The following PRKCZ variants were observed in gnomAD, a reference collection of about 807,000 sequenced individuals.
The protein encoded by PRKCZ is protein kinase C zeta.
A neutral mutation model predicts 79.5 loss-of-function variants in PRKCZ; 33 were observed. That is an observed-to-expected ratio of 0.41 (90% CI 0.31 to 0.55). The LOEUF (loss-of-function observed/expected upper bound fraction) is 0.55, where lower values mean the gene tolerates loss of function less well. Ranked by LOEUF, PRKCZ falls within the 20% of genes least tolerant of loss-of-function variation. The pLI is 0.19. For missense variants in PRKCZ, 578 were observed against 813.5 expected (o/e 0.71, Z 3.52); for synonymous variants, 342 against 320.9 (o/e 1.07, Z -0.70).
rs78645774 is a variant in PRKCZ, at chr1:2,077,855, T to C, written c.334+18264T>C. On this transcript the variant is annotated intron_variant, in intron 4 of 17. Transcript: ENST00000378567. ...CTCTTCCTTCCTTGTTCCATCCTCC[T>C]GATGGAGTTATGTCACTGTTTATTG... 9.6e-3 allele frequency among the ~76,000 whole-genome samples: 1,464 copies of C among 152,372 alleles called. 12 individuals are homozygous for C. The highest frequency in any genetic ancestry group is 0.024 in the Middle Eastern group (7 of 294).
intron 4 of PRKCZ, 58 bp from the exon 5 acceptor site, chr1:2,135,204 C>T: frequency 6.8e-7 from 1 of 1,479,924 alleles, no homozygotes. Context: ...CAGCTGCACC[C>T]TGCGTGGGCT....
rs1348480994 is a variant in PRKCZ, at chr1:2,173,415, G to C, written c.1286-482G>C. Among the ~76,000 whole-genome samples, 3 of 152,202 alleles carry C rather than the reference G, an allele frequency of 2.0e-5. No individual in the cohort carries two copies. The highest frequency in any genetic ancestry group is 4.4e-5 in the Non-Finnish European group (3 of 68,038). On this transcript the variant is annotated intron_variant, in intron 13 of 17. Transcript: ENST00000378567. The surrounding 1 kb of genome is among the most constrained non-coding windows in gnomAD (Gnocchi z 5.7). ...ACGCAGAGACAGCTGCTGTCCTTGG[G>C]CAAAACGGGTCAGGGTCTCCCACCC...
chr1:2,082,998 G>A lies in PRKCZ; in HGVS notation c.334+23407G>A, dbSNP rs1186399359. On this transcript the variant is annotated intron_variant, in intron 4 of 17. Coordinates refer to ENST00000378567, the MANE Select transcript of PRKCZ (RefSeq NM_002744.6). This position sits in a 1 kb window ranked among gnomAD's most constrained non-coding sequence, Gnocchi z 4.4. ...AGGTGTCCACACCTTGGGTGCCCCCGTCCTCCCTCTCCTCATGTCCTAATA... is the reference window on the plus strand; with the variant it reads ...AGGTGTCCACACCTTGGGTGCCCCCATCCTCCCTCTCCTCATGTCCTAATA... Among the ~76,000 whole-genome samples the A allele has an allele frequency of 3.3e-5, 5 of 152,122 alleles. No individual in the cohort carries two copies. The highest frequency in any genetic ancestry group is 7.2e-5 in the African/African-American group (3 of 41,404).
intron 4 of PRKCZ, among the ~76,000 whole-genome samples, chr1:2,077,178 C>T (rs901122211): frequency 1.3e-5 from 2 of 152,218 alleles, no homozygotes; most frequent in Non-Finnish European, 2.9e-5. Flanking sequence ...CGTCCACGCT[C>T]ACGTATCGGG....
Position 2,139,768 on chromosome 1 carries a change from C to T in PRKCZ, c.420+4421C>T, listed in dbSNP as rs370203448. On this transcript the variant is annotated intron_variant, in intron 5 of 17. Coordinates refer to ENST00000378567, the MANE Select transcript of PRKCZ (RefSeq NM_002744.6). ...TCTTCAAAAGAAATCACCCGTCATT[C>T]GGAGGTTTGTGTATGGGGAAGATCA... Among the ~76,000 whole-genome samples, 49 of 152,268 alleles carry T rather than the reference C, an allele frequency of 3.2e-4. 1 individual carries two copies. In the East Asian group the frequency reaches 9.1e-3, roughly 28 times the overall value.
intron 4 of PRKCZ, among the ~76,000 whole-genome samples, chr1:2,065,577 G>A (rs1365123995): frequency 1.3e-5 from 2 of 151,818 alleles, no homozygotes; most frequent in Non-Finnish European, 2.9e-5. Context: ...TACTCGGGAG[G>A]CTGAGCCAGG....
chr1:2,180,365 C>T (rs966942823), intron 16 of PRKCZ, among the ~76,000 whole-genome samples: 3 of 151,952 alleles, frequency 2.0e-5, no homozygotes, highest in Admixed American at 6.6e-5. Context: ...GACACCCAGA[C>T]GATGTGGACG....
rs1163743074 is a variant in PRKCZ at position 2,125,050 on chromosome 1, C to G, written c.335-10212C>G. On this transcript the variant is annotated intron_variant, in intron 4 of 17. Coordinates refer to ENST00000378567, the MANE Select transcript of PRKCZ (RefSeq NM_002744.6). This position sits in a 1 kb window ranked among gnomAD's most constrained non-coding sequence, Gnocchi z 4.2. Reference sequence around the variant, plus strand: ...GGGGCCTTGCCAGCCTGGCTCTGTGCCGGGCGCTGGGCAATCTCTGCCTCC... The same window carrying G: ...GGGGCCTTGCCAGCCTGGCTCTGTGGCGGGCGCTGGGCAATCTCTGCCTCC... Among the ~76,000 whole-genome samples the G allele has an allele frequency of 6.6e-6, 1 of 152,198 alleles. No homozygotes were observed. The highest frequency in any genetic ancestry group is 1.5e-5 in the Non-Finnish European group (1 of 68,042).
rs1685052208 is a variant in PRKCZ, at chr1:2,174,413, C to T, written c.1406-341C>T. On this transcript the variant is annotated intron_variant, in intron 14 of 17. Coordinates refer to ENST00000378567, the MANE Select transcript of PRKCZ (RefSeq NM_002744.6). This position sits in a 1 kb window ranked among gnomAD's most constrained non-coding sequence, Gnocchi z 6.2. ...CGGGACCTGCTCCTGGTCTGGAATT[C>T]AGTGCTGTGGGGATGTGGGATCTGG... Among the ~76,000 whole-genome samples, 1 of 152,236 alleles carries T rather than the reference C, an allele frequency of 6.6e-6. No homozygotes were observed. The highest frequency in any genetic ancestry group is 1.5e-5 in the Non-Finnish European group (1 of 68,040).
At position 2,110,910 on chromosome 1, in the gene PRKCZ, C is replaced by T. The variant is rs560099766; in HGVS notation, c.335-24352C>T. ...GTGGACGGTGTAGTTCCTGAGAGAC[C>T]GAGCCGGAAGGTGAGGGACTGGAAG... On this transcript the variant is annotated intron_variant, in intron 4 of 17. Transcript: ENST00000378567. Among the ~76,000 whole-genome samples the T allele has an allele frequency of 1.4e-4, 22 of 152,016 alleles. 1 individual carries two copies. The East Asian group carries it at 4.1e-3, about 28-fold the overall frequency.
At chr1:2,066,149 A>G (rs921699561) in intron 4 of PRKCZ, among the ~76,000 whole-genome samples, 3 of 152,188 alleles carry the variant, frequency 2.0e-5, no homozygotes, top group Admixed American at 6.5e-5. Flanking sequence ...TTAAGACTCA[A>G]TGGTCAGAGG....
Position 2,093,585 on chromosome 1 carries a change from C to T in PRKCZ, c.334+33994C>T, listed in dbSNP as rs573370022. 8.3e-4 allele frequency among the ~76,000 whole-genome samples: 126 copies of T among 152,238 alleles called. No homozygotes were observed. In the South Asian group the frequency reaches 0.021, roughly 25 times the overall value. On this transcript the variant is annotated intron_variant, in intron 4 of 17. Transcript: ENST00000378567. Reference sequence around the variant, plus strand: ...AAAGGTCCTGGTGACAGTCACTGCTCGCTGCAGTGGCTGGTGCCCTCCTCA... The same window carrying T: ...AAAGGTCCTGGTGACAGTCACTGCTTGCTGCAGTGGCTGGTGCCCTCCTCA...
chr1:2,117,998 C>CCTTTTTTTTTTTTTTTTT lies in PRKCZ; in HGVS notation c.335-17264_335-17263insCTTTTTTTTTTTTTTTTT, dbSNP rs58233626. On this transcript the variant is annotated intron_variant, in intron 4 of 17. Transcript: ENST00000378567. Reference sequence around the variant, plus strand: ...TATGAGAGAGATTAGCCTATTATTTCTTTTTTTTTTTTTTTTGGAGTCTCA... The same window carrying CCTTTTTTTTTTTTTTTTT: ...TATGAGAGAGATTAGCCTATTATTTCCTTTTTTTTTTTTTTTTTTTTTTTTTTTTTTTTTGGAGTCTCA... Among the ~76,000 whole-genome samples, 24 of 65,048 alleles carry CCTTTTTTTTTTTTTTTTT rather than the reference C, an allele frequency of 3.7e-4. 7 individuals carry two copies. The highest frequency in any genetic ancestry group is 7.1e-4 in the Admixed American group (3 of 4,218). 42.7% of individuals were successfully genotyped at this position (65,048 alleles called of 152,430 possible). A position where few individuals can be genotyped will look rare whatever the true frequency, so the allele number is the denominator to read the frequency against.
rs531500733 is a variant in PRKCZ at position 2,097,573 on chromosome 1, C to T, written c.335-37689C>T. Among the ~76,000 whole-genome samples, 263 of 152,152 alleles carry T rather than the reference C, an allele frequency of 1.7e-3. 1 individual carries two copies. The highest frequency in any genetic ancestry group is 3.4e-3 in the Middle Eastern group (1 of 294). On this transcript the variant is annotated intron_variant, in intron 4 of 17. Transcript: ENST00000378567. ...TTCTCCTGGAGCCCCGTGTTGTGTGCGTCCCTCAGCCCATGCACCCCGGAA... is the reference window on the plus strand; with the variant it reads ...TTCTCCTGGAGCCCCGTGTTGTGTGTGTCCCTCAGCCCATGCACCCCGGAA...
In PRKCZ at chr1:2,177,393, A is replaced by G. The variant is rs1572026010; in HGVS notation, c.1575+2080A>G. Among the ~76,000 whole-genome samples the G allele has an allele frequency of 6.6e-6, 1 of 152,050 alleles. No individual in the cohort carries two copies. Among genetic ancestry groups the G allele is most frequent in the East Asian group, 1.9e-4 (1 of 5,182 alleles). ...CTCTCTCTTCCAAGCCCACCACCGTATGGGGCCCACCAGCACCATGGGATC... is the reference window on the plus strand; with the variant it reads ...CTCTCTCTTCCAAGCCCACCACCGTGTGGGGCCCACCAGCACCATGGGATC... On this transcript the variant is annotated intron_variant, in intron 16 of 17. Transcript: ENST00000378567. This position sits in a 1 kb window ranked among gnomAD's most constrained non-coding sequence, Gnocchi z 6.4.
Position 2,159,266 on chromosome 1 carries a change from G to T in PRKCZ, c.974+3174G>T, listed in dbSNP as rs1039706039. On this transcript the variant is annotated intron_variant, in intron 10 of 17. Coordinates refer to ENST00000378567, the MANE Select transcript of PRKCZ (RefSeq NM_002744.6). ...ACATCGGCAAGGCGGCCACGCGTCC[G>T]GGTGGCGGAAAAGTCTGGCCTGGCC... is the stretch of plus-strand genomic sequence containing the variant. Among the ~76,000 whole-genome samples the T allele has an allele frequency of 1.3e-5, 2 of 152,238 alleles. 1 individual carries two copies. Among genetic ancestry groups the T allele is most frequent in the South Asian group, 4.1e-4 (2 of 4,834 alleles).
chr1:2,177,159 C>T lies in PRKCZ; in HGVS notation c.1575+1846C>T, dbSNP rs1486851447. ...ACTGGTGGCGTTCCCCTATCTCAGG[C>T]CACACCTGGCCTAGCTGGTGTTAGT... On this transcript the variant is annotated intron_variant, in intron 16 of 17. Coordinates refer to ENST00000378567, the MANE Select transcript of PRKCZ (RefSeq NM_002744.6). The surrounding 1 kb of genome is among the most constrained non-coding windows in gnomAD (Gnocchi z 6.4). 1.3e-5 allele frequency among the ~76,000 whole-genome samples: 2 copies of T among 152,102 alleles called. No individual in the cohort carries two copies. The highest frequency in any genetic ancestry group is 2.9e-5 in the Non-Finnish European group (2 of 68,010).
At chr1:2,112,265 A>G (rs1402404287) in intron 4 of PRKCZ, among the ~76,000 whole-genome samples, 1 of 152,224 alleles carries the variant, frequency 6.6e-6, no homozygotes, top group South Asian at 2.1e-4. Context: ...ATGTGTAGAC[A>G]TGATCCTTAT....
intron 4 of PRKCZ, among the ~76,000 whole-genome samples, chr1:2,105,434 CTT>C (rs1402884944): frequency 6.6e-6 from 1 of 152,204 alleles, no homozygotes; most frequent in Non-Finnish European, 1.5e-5. Flanking sequence ...CAGTCTCACT[CTT>C]TTGCCCAGGC....
Sources: allele counts gnomAD v4.1 joint callset (sites outside exome capture counted in the v4.1 genomes callset), GRCh38; gene constraint gnomAD v4.1.1; non-coding constraint Gnocchi (gnomAD v3.1); transcripts MANE v1.5; gene names NCBI Gene and HGNC (gene_info 2026-07-23, HGNC 2026-07-21).